FREM3: variants seen among roughly 807,000 people sequenced by gnomAD.
FREM3 encodes the protein FRAS1-related extracellular matrix protein 3.
A neutral mutation model predicts 129.1 loss-of-function variants in FREM3; 105 were observed. That is an observed-to-expected ratio of 0.81 (90% CI 0.69 to 0.96). The LOEUF (loss-of-function observed/expected upper bound fraction) is 0.96. Among genes scored for constraint, FREM3 ranks in the 40% least tolerant of loss-of-function variants. The probability of loss-of-function intolerance (pLI) is 0.00; values close to 1 mark genes in which losing one functional copy is unlikely to be tolerated. For synonymous variants in FREM3, 1,014 were observed against 1,044.9 expected (o/e 0.97, Z 0.57); for missense variants, 2,593 against 2,666.3 (o/e 0.97, Z 0.61).
chr4:143,623,413 C>T (rs902977565), intron 4 of FREM3, among the ~76,000 whole-genome samples: 2 of 151,390 alleles, frequency 1.3e-5, no homozygotes, highest in Admixed American at 1.3e-4. Context: ...GTAAGCTATG[C>T]ACTTCCAGGT....
At chr4:143,599,492 G>A (rs1230466894) in intron 6 of FREM3, among the ~76,000 whole-genome samples, 1 of 152,134 alleles carries the variant, frequency 6.6e-6, no homozygotes, top group Non-Finnish European at 1.5e-5. Flanking sequence ...TAATGATTCT[G>A]TGATGCAGAA....
intron 6 of FREM3, among the ~76,000 whole-genome samples, chr4:143,595,889 G>GGAAAAAAAAAAAAAAAAAAAA (rs750809003): frequency 9.0e-6 from 1 of 110,666 alleles, no homozygotes; most frequent in Non-Finnish European, 1.8e-5. Context: ...CGCCATCTCA[G>GGAAAAAAAAAAAAAAAAAAAA]AAAAAAAAAA....
rs6838001 is a variant in FREM3 at position 143,592,441 on chromosome 4, G to C, written c.6029-6448C>G. 2.7e-3 allele frequency among the ~76,000 whole-genome samples: 405 copies of C among 152,034 alleles called. 4 individuals carry two copies. The highest frequency in any genetic ancestry group is 8.6e-3 in the African/African-American group (358 of 41,432). The stretch of plus-strand genomic sequence containing the variant: ...GCTCTTTTAGGACAGGCCTCGTGGT[G>C]ACAAAATCTCTCAGCATTTGCTTGT... On this transcript the variant is annotated intron_variant, in intron 6 of 7. Coordinates refer to ENST00000329798, the MANE Select transcript of FREM3 (RefSeq NM_001168235.2).
intron 5 of FREM3, among the ~76,000 whole-genome samples, chr4:143,619,363 A>G (rs1262946025): frequency 1.3e-5 from 2 of 152,194 alleles, no homozygotes; most frequent in Non-Finnish European, 2.9e-5. Context: ...GTATCTTTGT[A>G]TGGCAGCCTT....
At position 143,588,028 on chromosome 4, in the gene FREM3, C is replaced by G. The variant is rs1578822160; in HGVS notation, c.6029-2035G>C. Among the ~76,000 whole-genome samples, 6 of 152,268 alleles carry G rather than the reference C, an allele frequency of 3.9e-5. No individual in the cohort carries two copies. In the South Asian group the frequency reaches 1.2e-3, roughly 32 times the overall value. On this transcript the variant is annotated intron_variant, in intron 6 of 7. Transcript: ENST00000329798. ...ATACCACTTAACCCCAATGCAGTCC[C>G]TCTCTTTTGTTCATCCACCAAAGCA...
At chr4:143,663,223 G>A (rs892737571) in intron 2 of FREM3, among the ~76,000 whole-genome samples, 6 of 152,152 alleles carry the variant, frequency 3.9e-5, no homozygotes, top group East Asian at 1.9e-4. Context: ...AGCTGGTACC[G>A]GTTGTTCCTT....
At chr4:143,661,572 C>T (rs998854251) in intron 2 of FREM3, among the ~76,000 whole-genome samples, 5 of 151,506 alleles carry the variant, frequency 3.3e-5, no homozygotes, top group Admixed American at 6.6e-5. Flanking sequence ...TGTCTCTGCC[C>T]GCCTTTGGTA....
intron 6 of FREM3, among the ~76,000 whole-genome samples, chr4:143,589,384 T>G (rs1738310537): frequency 6.6e-6 from 1 of 152,224 alleles, no homozygotes; most frequent in Admixed American, 6.5e-5. Context: ...GTCTAACATG[T>G]AAGTCTTTAA....
chr4:143,682,152 T>C (rs1375972231), intron 2 of FREM3, among the ~76,000 whole-genome samples: 1 of 152,156 alleles, frequency 6.6e-6, no homozygotes, highest in Non-Finnish European at 1.5e-5. Context: ...AAATTTGGTA[T>C]CCTAGTGAGG....
intron 2 of FREM3, among the ~76,000 whole-genome samples, chr4:143,670,752 C>T (rs1415594187): frequency 6.6e-6 from 1 of 151,854 alleles, no homozygotes; most frequent in Non-Finnish European, 1.5e-5. Context: ...CTTTTTCTTT[C>T]CAAAATAGTT....
Position 143,621,095 on chromosome 4 carries a change from T to C in FREM3, c.5721A>G (p.Pro1907=), listed in dbSNP as rs779797120. 9.8e-6 allele frequency: 15 copies of C among 1,537,060 alleles called. 1 individual carries two copies. In the South Asian group the frequency reaches 1.7e-4, roughly 17 times the overall value. ...GGCTTGCATCTCCAGATCGTCTTAC[T>C]GGAATCAAAAGTTCCCCAATGTCCT... ...IEEDIGELLI[P]VRRSGDASQE... The change falls in exon 5 of 8, where the codon CCA becomes CCG. Residue 1907 remains proline (P), a synonymous_variant. Transcript: ENST00000329798.
intron 5 of FREM3, among the ~76,000 whole-genome samples, chr4:143,616,653 C>T (rs1178847699): frequency 2.0e-5 from 3 of 152,052 alleles, no homozygotes; most frequent in African/African-American, 7.2e-5. Flanking sequence ...ATTAGCCGGG[C>T]GTGGTGGTGG....
chr4:143,596,617 A>G (rs1015290705), intron 6 of FREM3, among the ~76,000 whole-genome samples: 2 of 152,136 alleles, frequency 1.3e-5, no homozygotes, highest in African/African-American at 2.4e-5. Flanking sequence ...GATATTTTGG[A>G]AAAACCCTTT....
chr4:143,634,531 C>T (rs949040472), intron 2 of FREM3, among the ~76,000 whole-genome samples: 1 of 152,026 alleles, frequency 6.6e-6, no homozygotes, highest in Non-Finnish European at 1.5e-5. Flanking sequence ...TGATGGACAG[C>T]TGGCCACCCC....
intron 5 of FREM3, among the ~76,000 whole-genome samples, chr4:143,612,471 G>A (rs1009555020): frequency 7.9e-5 from 12 of 152,212 alleles, no homozygotes; most frequent in African/African-American, 2.7e-4. Context: ...TTTACTGGCT[G>A]ATAATTTGGG....
chr4:143,611,753 A>G (rs1412698180), intron 5 of FREM3, among the ~76,000 whole-genome samples: 2 of 152,184 alleles, frequency 1.3e-5, no homozygotes, highest in Admixed American at 6.5e-5. Flanking sequence ...GAGTATATTG[A>G]ATAAGGTTTG....
chr4:143,695,349 A>T, intron 1 of FREM3, 142 bp downstream of exon 1: 1 of 673,226 alleles, frequency 1.5e-6, no homozygotes, highest in Non-Finnish European at 2.3e-6. Flanking sequence ...TTGTTTTTGG[A>T]ATAGTTTCAC....
At chr4:143,598,347 C>T (rs1738518716) in intron 6 of FREM3, among the ~76,000 whole-genome samples, 1 of 152,186 alleles carries the variant, frequency 6.6e-6, no homozygotes, top group Admixed American at 6.5e-5. Context: ...GAGCTGTTTT[C>T]TTTTCCCCGT....
intron 5 of FREM3, among the ~76,000 whole-genome samples, chr4:143,619,652 ACAGTGCAGTGGAAAG>A (rs1285051611): frequency 6.6e-6 from 1 of 152,230 alleles, no homozygotes; most frequent in Non-Finnish European, 1.5e-5. Flanking sequence ...AGCTACATAC[ACAGTGCAGTGGAAAG>A]CAGACTCATG....
Sources: gnomAD v4.1 joint callset for allele counts (sites outside exome capture counted in the v4.1 genomes callset) on GRCh38, gnomAD v4.1.1 for gene constraint, MANE v1.5 for transcripts, NCBI Gene and HGNC (gene_info 2026-07-23, HGNC 2026-07-21) for gene names.